The following PCSK5 variants were observed in gnomAD, a reference collection of about 807,000 sequenced individuals.
PCSK5 encodes the protein proprotein convertase subtilisin/kexin type 5.
A neutral mutation model predicts 233.2 loss-of-function variants in PCSK5; 129 were observed. That is an observed-to-expected ratio of 0.55 (90% CI 0.48 to 0.64). PCSK5 has a LOEUF of 0.64. PCSK5 is among the 30% of genes least tolerant of loss of function. The probability of loss-of-function intolerance (pLI) is 0.00; values close to 1 mark genes in which losing one functional copy is unlikely to be tolerated. For missense variants in PCSK5, 2,076 were observed against 2,430.1 expected (o/e 0.85, Z 3.06); for synonymous variants, 825 against 879.2 (o/e 0.94, Z 1.09).
At chr9:76,208,293 T>C (rs1036156747) in intron 20 of PCSK5, among the ~76,000 whole-genome samples, 2 of 152,142 alleles carry the variant, frequency 1.3e-5, no homozygotes, top group Non-Finnish European at 2.9e-5. Context: ...AGGGTCTGAC[T>C]GCAATGACCC....
chr9:76,271,769 T>C (rs1175409147), intron 24 of PCSK5, among the ~76,000 whole-genome samples: 1 of 152,190 alleles, frequency 6.6e-6, no homozygotes, highest in Non-Finnish European at 1.5e-5. Flanking sequence ...ATTGGCAAGG[T>C]TGGCTTCTTC....
intron 5 of PCSK5, among the ~76,000 whole-genome samples, chr9:76,031,156 C>G (rs114151666): frequency 0.019 from 2,836 of 152,156 alleles, 78 homozygotes; most frequent in African/African-American, 0.06. Context: ...GATTAAAATG[C>G]CCTCTTTGCT....
rs11144855 is a variant in PCSK5 at position 76,362,652 on chromosome 9, G to A, written c.*3730G>A. On this transcript the variant is annotated 3_prime_UTR_variant, in exon 38 of 38. Transcript: ENST00000674117. Reference sequence around the variant, plus strand: ...CTAAAAGGCAAAAATGAAATCCACAGGCAGACAGCCCGGCGCTACGCCCTG... The same window carrying A: ...CTAAAAGGCAAAAATGAAATCCACAAGCAGACAGCCCGGCGCTACGCCCTG... Among the ~76,000 whole-genome samples the A allele has an allele frequency of 0.2, 30,900 of 152,180 alleles. 3,975 individuals carry two copies. The highest frequency in any genetic ancestry group is 0.55 in the East Asian group (2,825 of 5,158).
At chr9:76,022,432 T>C (rs1002343056) in intron 3 of PCSK5, among the ~76,000 whole-genome samples, 5 of 152,192 alleles carry the variant, frequency 3.3e-5, no homozygotes, top group Non-Finnish European at 7.3e-5. Flanking sequence ...CCATTCCCGA[T>C]ATGCTGAACT....
At chr9:76,283,464 A>T (rs1295356477) in intron 24 of PCSK5, among the ~76,000 whole-genome samples, 1 of 152,234 alleles carries the variant, frequency 6.6e-6, no homozygotes, top group Non-Finnish European at 1.5e-5. Context: ...TTAGCAATAA[A>T]GTATTTCCTA....
At chr9:76,056,408 G>A (rs1355673836) in intron 5 of PCSK5, among the ~76,000 whole-genome samples, 1 of 152,060 alleles carries the variant, frequency 6.6e-6, no homozygotes, top group Non-Finnish European at 1.5e-5. Flanking sequence ...GTGAGGAGAG[G>A]GCAAAAGGAG....
intron 3 of PCSK5, among the ~76,000 whole-genome samples, chr9:76,017,356 A>T (rs984250064): frequency 2.0e-5 from 3 of 152,172 alleles, no homozygotes; most frequent in Non-Finnish European, 2.9e-5. Flanking sequence ...CTCCTTTTTT[A>T]AAAAAACTAA....
intron 1 of PCSK5, among the ~76,000 whole-genome samples, chr9:75,927,904 A>G (rs1823571126): frequency 6.6e-6 from 1 of 152,240 alleles, no homozygotes; most frequent in Non-Finnish European, 1.5e-5. Context: ...AAGAACTGAA[A>G]CATTGAATCT....
At chr9:76,064,263 T>C (rs1361401913) in intron 5 of PCSK5, among the ~76,000 whole-genome samples, 2 of 69,546 alleles carry the variant, frequency 2.9e-5, no homozygotes, top group Admixed American at 1.5e-4. Context: ...CTGGACGGGG[T>C]GGCTGGCCGG....
intron 15 of PCSK5, among the ~76,000 whole-genome samples, chr9:76,179,968 A>G (rs548611907): frequency 1.9e-4 from 29 of 150,420 alleles, no homozygotes; most frequent in African/African-American, 6.8e-4. Context: ...AGGACGGTGG[A>G]GGAACCAGCT....
At chr9:76,157,666 C>T (rs745927048) in intron 11 of PCSK5, among the ~76,000 whole-genome samples, 3 of 151,834 alleles carry the variant, frequency 2.0e-5, no homozygotes, top group Non-Finnish European at 4.4e-5. Context: ...TAGTGTTTTG[C>T]TCTTGGCTTT....
intron 21 of PCSK5, among the ~76,000 whole-genome samples, chr9:76,231,796 T>C (rs1826094817): frequency 1.3e-5 from 2 of 152,096 alleles, no homozygotes; most frequent in Non-Finnish European, 2.9e-5. Context: ...AGGGGATCTG[T>C]TTTGACATGG....
At chr9:75,914,119 G>A (rs894098012) in intron 1 of PCSK5, among the ~76,000 whole-genome samples, 2 of 152,306 alleles carry the variant, frequency 1.3e-5, no homozygotes, top group Non-Finnish European at 2.9e-5. Context: ...CAAATTCGCT[G>A]TATCATCATG....
intron 3 of PCSK5, among the ~76,000 whole-genome samples, chr9:75,993,600 A>G (rs1343413095): frequency 2.0e-5 from 3 of 152,208 alleles, no homozygotes; most frequent in Non-Finnish European, 4.4e-5. Flanking sequence ...AGAGATCCCA[A>G]GACCACCTAC....
chr9:76,328,090 GGAGCTGCATGGCCAAC>G lies in PCSK5; in HGVS notation c.4425_4440del (p.Ser1475ArgfsTer39), dbSNP rs1241776621. ...AAAGGCCTGATCATGAACCCTCGTG[GGAGCTGCATGGCCAAC>G]GAGAAGTGCTCACCCTCCGAGTACT... On this transcript the variant is annotated frameshift_variant, in exon 33 of 38. Transcript: ENST00000674117. LOFTEE classifies it high-confidence loss of function. 1 of 1,612,842 alleles carries G rather than the reference GGAGCTGCATGGCCAAC, an allele frequency of 6.2e-7. No homozygotes were observed. The highest frequency in any genetic ancestry group is 8.5e-7 in the Non-Finnish European group (1 of 1,179,838).
intron 19 of PCSK5, 40 bp downstream of exon 19, chr9:76,189,263 A>G: frequency 2.5e-6 from 4 of 1,579,792 alleles, no homozygotes; most frequent in Non-Finnish European, 3.4e-6. Context: ...ATTTAGACCT[A>G]AGTTCTTTTG....
chr9:75,955,075 T>C (rs961602250), intron 2 of PCSK5, among the ~76,000 whole-genome samples: 2 of 152,318 alleles, frequency 1.3e-5, no homozygotes, highest in Non-Finnish European at 2.9e-5. Context: ...GGAAACCTAG[T>C]ATTTGTCAAG....
intron 24 of PCSK5, among the ~76,000 whole-genome samples, chr9:76,279,181 C>A (rs11144815): frequency 6.7e-6 from 1 of 148,164 alleles, no homozygotes; most frequent in East Asian, 2.0e-4. Flanking sequence ...TTTGTTCTTG[C>A]GATAGTTTAC....
rs1349608488 is a variant in PCSK5 at position 76,003,864 on chromosome 9, A to G, written c.411+17619A>G. Reference sequence around the variant, plus strand: ...CACTCTGTCACCCAGGCTGGAGTACAGTGGTGTGATCACGGCTCACTGCAG... The same window carrying G: ...CACTCTGTCACCCAGGCTGGAGTACGGTGGTGTGATCACGGCTCACTGCAG... On this transcript the variant is annotated intron_variant, in intron 3 of 37. Transcript: ENST00000674117. Among the ~76,000 whole-genome samples, 4 of 152,104 alleles carry G rather than the reference A, an allele frequency of 2.6e-5. No homozygotes were observed. The South Asian group carries it at 6.2e-4, about 24-fold the overall frequency.
Sources: gnomAD v4.1 joint callset for allele counts (sites outside exome capture counted in the v4.1 genomes callset) on GRCh38, gnomAD v4.1.1 for gene constraint, MANE v1.5 for transcripts, NCBI Gene and HGNC (gene_info 2026-07-23, HGNC 2026-07-21) for gene names.